Variants in CFAP144 observed in about 807,000 individuals in gnomAD.
CFAP144 encodes cilia and flagella associated protein 144, also known as cilia- and flagella-associated protein 144.
At chr1:43,152,818 C>T in the CFAP144 span, 23 of 1,601,746 alleles carry the variant, frequency 1.4e-5, no homozygotes, top group East Asian at 4.5e-5. Context: ...ACTCATACCT[C>T]GTCTCCCAGC....
the CFAP144 span, among the ~76,000 whole-genome samples, chr1:43,154,109 T>G: frequency 5.5e-4 from 76 of 138,612 alleles, no homozygotes; most frequent in African/African-American, 1.8e-3. Context: ...TACTCTCTTT[T>G]TATATATATA....
chr1:43,146,863 T>C, the CFAP144 span, among the ~76,000 whole-genome samples: 1 of 152,224 alleles, frequency 6.6e-6, no homozygotes, highest in African/African-American at 2.4e-5. Context: ...TTTTTATTTT[T>C]TAGAAGGAGT....
the CFAP144 span, chr1:43,145,283 T>C: frequency 6.5e-7 from 1 of 1,550,004 alleles, no homozygotes; most frequent in Non-Finnish European, 8.7e-7. Context: ...ACACATCTAA[T>C]GTGTTCTCTG....
chr1:43,143,873 A>G, the CFAP144 span, among the ~76,000 whole-genome samples: 1 of 106,346 alleles, frequency 9.4e-6, no homozygotes, highest in Non-Finnish European at 1.8e-5. Flanking sequence ...GCTCCCTCCT[A>G]CCTGCCCTCT....
the CFAP144 span, chr1:43,153,107 A>C: frequency 1.4e-6 from 1 of 709,676 alleles, no homozygotes. Context: ...AAATGGAGCT[A>C]ATACAGTACC....
the CFAP144 span, among the ~76,000 whole-genome samples, chr1:43,151,295 A>C: frequency 6.6e-6 from 1 of 152,220 alleles, no homozygotes; most frequent in Non-Finnish European, 1.5e-5. Context: ...AGTAGCTGGT[A>C]CATGGTCCTC....
the CFAP144 span, chr1:43,145,159 G>A: frequency 1.0e-6 from 1 of 998,482 alleles, no homozygotes; most frequent in Non-Finnish European, 1.5e-6. Context: ...TGGTCAGCCA[G>A]CCTGCATGAG....
the CFAP144 span, among the ~76,000 whole-genome samples, chr1:43,153,565 C>T: frequency 1.4e-4 from 21 of 151,782 alleles, no homozygotes; most frequent in East Asian, 2.9e-3. Flanking sequence ...GCCGAGATCA[C>T]GCCATTGCAC....
At chr1:43,154,306 T>C in the CFAP144 span, among the ~76,000 whole-genome samples, 464 of 146,006 alleles carry the variant, frequency 3.2e-3, 3 homozygotes, top group Non-Finnish European at 4.0e-3. Flanking sequence ...AATAAAATTA[T>C]ATATAAATAA....
At chr1:43,149,182 T>C in the CFAP144 span, among the ~76,000 whole-genome samples, 4 of 152,206 alleles carry the variant, frequency 2.6e-5, no homozygotes, top group Non-Finnish European at 5.9e-5. Flanking sequence ...ATCCTTCTCA[T>C]AGCCTCTGAG....
At chr1:43,148,094 A>G in the CFAP144 span, 2 of 1,606,678 alleles carry the variant, frequency 1.2e-6, no homozygotes, top group Non-Finnish European at 1.7e-6. Flanking sequence ...AGTGAGAGGC[A>G]CGGCGGGGTG....
the CFAP144 span, among the ~76,000 whole-genome samples, chr1:43,151,755 G>T: frequency 7.9e-5 from 12 of 152,090 alleles, no homozygotes; most frequent in African/African-American, 2.9e-4. Context: ...ACAGATGACC[G>T]CGGCTGGGAT....
chr1:43,155,591 A>C, the CFAP144 span, among the ~76,000 whole-genome samples: 14 of 152,242 alleles, frequency 9.2e-5, no homozygotes, highest in Admixed American at 8.5e-4. Flanking sequence ...AAACCATGAG[A>C]TGCAGGTGTT....
the CFAP144 span, among the ~76,000 whole-genome samples, chr1:43,145,719 G>T: frequency 6.6e-6 from 1 of 152,148 alleles, no homozygotes; most frequent in Non-Finnish European, 1.5e-5. Flanking sequence ...AATCCCAAAA[G>T]ATATTTTTAG....
chr1:43,143,836 G>A, the CFAP144 span, among the ~76,000 whole-genome samples: 3 of 151,932 alleles, frequency 2.0e-5, no homozygotes, highest in African/African-American at 7.3e-5. Flanking sequence ...AGGCAAAGCT[G>A]CTGGTCTGCG....
the CFAP144 span, among the ~76,000 whole-genome samples, chr1:43,154,099 T>TAC: frequency 4.0e-5 from 5 of 124,084 alleles, no homozygotes; most frequent in Admixed American, 1.6e-4. Context: ...TATATATATA[T>TAC]ACTCTCTTTT....
the CFAP144 span, chr1:43,148,048 C>A: frequency 6.2e-7 from 1 of 1,613,828 alleles, no homozygotes. Flanking sequence ...AACCCAGAAA[C>A]TCTACACGCA....
At chr1:43,147,688 C>A in the CFAP144 span, 3 of 832,214 alleles carry the variant, frequency 3.6e-6, no homozygotes, top group Non-Finnish European at 4.3e-6. Flanking sequence ...CTTCTAGTAA[C>A]CAGCCGGGCC....
chr1:43,156,335 C>A, the CFAP144 span: 1 of 1,567,718 alleles, frequency 6.4e-7, no homozygotes, highest in Non-Finnish European at 8.8e-7. Flanking sequence ...ATGAGCCCAT[C>A]TGTGGATCTA....
Sources: gnomAD v4.1 joint callset for allele counts (sites outside exome capture counted in the v4.1 genomes callset) on GRCh38, gnomAD v4.1.1 for gene constraint, MANE v1.5 for transcripts, NCBI Gene and HGNC (gene_info 2026-07-23, HGNC 2026-07-21) for gene names.